Variants in EMSY observed in about 807,000 individuals in gnomAD.
EMSY encodes BRCA2-interacting transcriptional repressor EMSY.
EMSY carries 26 observed loss-of-function variants against 134.6 expected under a neutral mutation model. The observed-to-expected ratio is 0.19, with a 90% confidence interval of 0.14 to 0.27. The LOEUF (loss-of-function observed/expected upper bound fraction) is 0.27, where lower values mean the gene tolerates loss of function less well. Ranked by LOEUF, EMSY falls within the 10% of genes least tolerant of loss-of-function variation. EMSY has a pLI of 1.00. For synonymous variants in EMSY, 579 were observed against 577.8 expected (o/e 1.00, Z -0.03); for missense variants, 1,305 against 1,611.4 (o/e 0.81, Z 3.26).
chr11:76,459,854 C>A, intron 5 of EMSY, 79 bp from the exon 7 acceptor site: 1 of 1,525,078 alleles, frequency 6.6e-7, no homozygotes, highest in Admixed American at 1.8e-5. Context: ...TAAAATTGGC[C>A]TGCAATAAAA....
chr11:76,460,969 G>C (rs1039764528), intron 6 of EMSY: 1 of 151,388 alleles, frequency 6.6e-6, no homozygotes, highest in South Asian at 2.1e-4. Context: ...CACCCTGGGC[G>C]ACAGAGCAAG....
intron 19 of EMSY, 110 bp downstream of exon 20, chr11:76,544,932 A>G: frequency 8.1e-7 from 1 of 1,233,760 alleles, no homozygotes; most frequent in Non-Finnish European, 1.1e-6. Flanking sequence ...GCAAGAGGAA[A>G]CCCAAAAGCC....
At chr11:76,476,815 A>G (rs1948785324) in intron 8 of EMSY, among the ~76,000 whole-genome samples, 1 of 152,168 alleles carries the variant, frequency 6.6e-6, no homozygotes, top group Non-Finnish European at 1.5e-5. Context: ...AATGGTGTTT[A>G]GATACCACAA....
In EMSY at chr11:76,485,392, G is replaced by A. The variant is rs565445922; in HGVS notation, c.1109-10823G>A. On this transcript the variant is annotated intron_variant, in intron 8 of 20. Coordinates refer to ENST00000334736, the Ensembl canonical transcript of EMSY. ...CCCTGGGATGCAAGGCTGGTTCAACGTATGCAAATCAATAAACATAATCCA... is the reference window on the plus strand; with the variant it reads ...CCCTGGGATGCAAGGCTGGTTCAACATATGCAAATCAATAAACATAATCCA... Among the ~76,000 whole-genome samples the A allele has an allele frequency of 3.3e-4, 50 of 152,204 alleles. No homozygotes were observed. The South Asian group carries it at 8.9e-3, about 27-fold the overall frequency.
At chr11:76,543,780 CTGGTA>C (rs1565365722) in intron 18 of EMSY, among the ~76,000 whole-genome samples, 3 of 152,174 alleles carry the variant, frequency 2.0e-5, no homozygotes, top group South Asian at 2.1e-4. Flanking sequence ...TCTGTGGGGA[CTGGTA>C]CAGGCACAGG....
chr11:76,476,032 G>A (rs973754614), intron 8 of EMSY, among the ~76,000 whole-genome samples: 1 of 152,194 alleles, frequency 6.6e-6, no homozygotes, highest in Non-Finnish European at 1.5e-5. Context: ...ACTTGTTGAA[G>A]AAATAACTAA....
intron 12 of EMSY, among the ~76,000 whole-genome samples, chr11:76,525,917 C>T (rs550135576): frequency 6.6e-6 from 1 of 152,088 alleles, no homozygotes; most frequent in African/African-American, 2.4e-5. Flanking sequence ...CTTGCCCATA[C>T]TTTTTCATGT....
At chr11:76,543,766 G>C (rs1409498189) in intron 18 of EMSY, among the ~76,000 whole-genome samples, 1 of 152,176 alleles carries the variant, frequency 6.6e-6, no homozygotes, top group Non-Finnish European at 1.5e-5. Flanking sequence ...CATGCAGGGG[G>C]CTCTCTGTGG....
chr11:76,544,084 G>A (rs183586054), intron 18 of EMSY, among the ~76,000 whole-genome samples, 175 bp from the exon 20 acceptor site: 1 of 152,282 alleles, frequency 6.6e-6, no homozygotes, highest in East Asian at 1.9e-4. Flanking sequence ...AAGCACTTAC[G>A]TCTGAGAGTT....
At chr11:76,546,293 T>A in exon 20 of EMSY, 3 of 1,606,516 alleles carry the variant, frequency 1.9e-6, no homozygotes, top group Non-Finnish European at 2.5e-6. Context: ...GAAATTATCA[T>A]CCAGGTAAGA....
intron 8 of EMSY, among the ~76,000 whole-genome samples, chr11:76,494,047 G>A (rs536822794): frequency 6.6e-6 from 1 of 152,396 alleles, no homozygotes; most frequent in African/African-American, 2.4e-5. Context: ...GATGCCCGCA[G>A]CAGAAGCTGT....
chr11:76,512,745 C>T (rs1332416866), intron 9 of EMSY, among the ~76,000 whole-genome samples: 1 of 149,290 alleles, frequency 6.7e-6, no homozygotes, highest in Non-Finnish European at 1.5e-5. Context: ...AACCATAAAT[C>T]ACCACCCTAG....
chr11:76,498,965 C>T (rs1241035928), intron 9 of EMSY, among the ~76,000 whole-genome samples: 3 of 152,138 alleles, frequency 2.0e-5, no homozygotes, highest in Non-Finnish European at 1.5e-5. Flanking sequence ...TTGCCAATAA[C>T]TTGTTTTTGT....
In EMSY at chr11:76,542,759, T is replaced by TGTTTTTG. The variant is rs10685562; in HGVS notation, c.2709+392_2709+393insGTTTTTG. Among the ~76,000 whole-genome samples the TGTTTTTG allele has an allele frequency of 2.1e-5, 3 of 146,160 alleles. No individual in the cohort carries two copies. In the South Asian group the frequency reaches 6.3e-4, roughly 31 times the overall value. On this transcript the variant is annotated intron_variant, in intron 18 of 20. Transcript: ENST00000334736. ...AGTTTGTTTTTCGTTTTTTGTTTTT[T>TGTTTTTG]TTTTTTTTTGCTTTTATAATGAATC...
intron 14 of EMSY, 40 bp from the exon 16 acceptor site, chr11:76,535,855 T>G: frequency 4.4e-6 from 6 of 1,373,230 alleles, no homozygotes; most frequent in Non-Finnish European, 5.7e-6. Flanking sequence ...AGAGAAACTT[T>G]GTTTATAGGG....
At chr11:76,523,059 A>T (rs1400574177) in intron 11 of EMSY, 96 bp from the exon 13 acceptor site, 3 of 1,236,844 alleles carry the variant, frequency 2.4e-6, no homozygotes, top group Non-Finnish European at 3.3e-6. Context: ...TAGGAATGAC[A>T]TTTACTATAT....
chr11:76,455,308 T>C (rs1401992569), intron 4 of EMSY, among the ~76,000 whole-genome samples: 1 of 152,152 alleles, frequency 6.6e-6, no homozygotes, highest in East Asian at 1.9e-4. Flanking sequence ...ATTCTTGTTT[T>C]AATATATTAT....
chr11:76,531,064 C>A (rs957760433), intron 14 of EMSY, among the ~76,000 whole-genome samples: 1 of 152,062 alleles, frequency 6.6e-6, no homozygotes, highest in African/African-American at 2.4e-5. Flanking sequence ...TCTCTGCCCC[C>A]CTTCTGCTGT....
In EMSY at chr11:76,454,731, C is replaced by G. The variant is rs1021503310; in HGVS notation, c.245+1343C>G. The G allele has an allele frequency of 4.2e-6, 6 of 1,436,812 alleles. No homozygotes were observed. The African/African-American group carries it at 8.6e-5, about 21-fold the overall frequency. The allele number at this position is 1,436,812 out of a possible 1,614,324, so 89.0% of individuals were successfully genotyped here. ...ATAACATTTATTTAGTCTCCTTTTC[C>G]TTTTTTCCCCTTTAAAGAATGAATT... On this transcript the variant is annotated intron_variant, in intron 4 of 20. Coordinates refer to ENST00000334736, the Ensembl canonical transcript of EMSY.
Sources: gnomAD v4.1 joint callset for allele counts (sites outside exome capture counted in the v4.1 genomes callset) on GRCh38, gnomAD v4.1.1 for gene constraint, MANE v1.5 for transcripts, NCBI Gene and HGNC (gene_info 2026-07-23, HGNC 2026-07-21) for gene names.